The following RNF43 variants were observed in gnomAD, a reference collection of about 807,000 sequenced individuals.
RNF43 encodes E3 ubiquitin-protein ligase RNF43.
RNF43 carries 37 observed loss-of-function variants against 78.4 expected under a neutral mutation model. The observed-to-expected ratio is 0.47, with a 90% confidence interval of 0.36 to 0.62. RNF43 has a LOEUF of 0.62. Among genes scored for constraint, RNF43 ranks in the 20% least tolerant of loss-of-function variants. RNF43 has a pLI of 0.00. For synonymous variants in RNF43, 347 were observed against 395.0 expected (o/e 0.88, Z 1.44); for missense variants, 774 against 1,007.9 (o/e 0.77, Z 3.14).
intron 8 of RNF43, among the ~76,000 whole-genome samples, chr17:58,359,115 C>T (rs1329368930): frequency 1.3e-5 from 2 of 152,086 alleles, no homozygotes; most frequent in Non-Finnish European, 2.9e-5. Context: ...CCTGTGGGTA[C>T]CTTAGAAAAA....
At chr17:58,362,107 AAAC>A (rs1203372825) in intron 6 of RNF43, among the ~76,000 whole-genome samples, 8 of 99,086 alleles carry the variant, frequency 8.1e-5, no homozygotes, top group East Asian at 3.9e-4. Context: ...ACAAACAAAC[AAAC>A]AAAAAAAAAC....
chr17:58,355,109 G>T, intron 9 of RNF43, 123 bp from the exon 10 acceptor site: 1 of 888,656 alleles, frequency 1.1e-6, no homozygotes, highest in Non-Finnish European at 1.9e-6. Context: ...AGACTGTCTG[G>T]AAAGGGTGGT....
intron 2 of RNF43, among the ~76,000 whole-genome samples, chr17:58,380,805 G>A (rs1973297941): frequency 1.3e-5 from 2 of 152,194 alleles, no homozygotes; most frequent in Non-Finnish European, 2.9e-5. Context: ...ACATAGTCCA[G>A]GTCTTTCAGG....
intron 2 of RNF43, among the ~76,000 whole-genome samples, chr17:58,411,097 G>A (rs193176498): frequency 6.6e-6 from 1 of 152,088 alleles, no homozygotes; most frequent in Admixed American, 6.5e-5. Context: ...TAAAGGTACT[G>A]AATTTCTTCT....
intron 3 of RNF43, among the ~76,000 whole-genome samples, chr17:58,370,622 G>T (rs1973072197): frequency 6.6e-6 from 1 of 152,130 alleles, no homozygotes; most frequent in Non-Finnish European, 1.5e-5. Context: ...CCCCTTCTTT[G>T]CTCTGGTGCA....
At chr17:58,363,818 A>G (rs1972894378) in intron 3 of RNF43, among the ~76,000 whole-genome samples, 1 of 152,186 alleles carries the variant, frequency 6.6e-6, no homozygotes, top group African/African-American at 2.4e-5. Context: ...AAGGGATAAT[A>G]TCTAGCTTTT....
chr17:58,355,815 C>T (rs1207222685), intron 9 of RNF43, among the ~76,000 whole-genome samples: 1 of 152,176 alleles, frequency 6.6e-6, no homozygotes. Context: ...ATGGGCAGCA[C>T]TCAGCCTTCG....
intron 8 of RNF43, among the ~76,000 whole-genome samples, chr17:58,359,477 G>A (rs538893286): frequency 8.7e-4 from 132 of 151,778 alleles, no homozygotes; most frequent in South Asian, 2.3e-3. Context: ...GGTGGCGGGC[G>A]CCTATAGTCC....
chr17:58,406,444 T>C (rs1973911990), intron 2 of RNF43, among the ~76,000 whole-genome samples: 1 of 152,234 alleles, frequency 6.6e-6, no homozygotes, highest in African/African-American at 2.4e-5. Flanking sequence ...TGAAATTTGA[T>C]GATTATATTT....
At chr17:58,414,076 T>C (rs1356357016) in intron 2 of RNF43, among the ~76,000 whole-genome samples, 1 of 152,210 alleles carries the variant, frequency 6.6e-6, no homozygotes, top group Non-Finnish European at 1.5e-5. Flanking sequence ...AAAAATCTTA[T>C]GCCATTTTTC....
chr17:58,388,541 A>G (rs1039064323), intron 2 of RNF43, among the ~76,000 whole-genome samples: 2 of 152,344 alleles, frequency 1.3e-5, no homozygotes, highest in East Asian at 3.9e-4. Context: ...CTTGGCAAGT[A>G]TTTGATGAGC....
intron 2 of RNF43, among the ~76,000 whole-genome samples, chr17:58,410,386 G>A (rs1974004571): frequency 6.6e-6 from 1 of 152,174 alleles, no homozygotes; most frequent in Admixed American, 6.5e-5. Context: ...AAGAATGTTT[G>A]TGCGCACAGA....
chr17:58,395,077 A>C (rs1051737835), intron 2 of RNF43: 10 of 152,244 alleles, frequency 6.6e-5, no homozygotes, highest in Non-Finnish European at 1.3e-4. Flanking sequence ...GTTTGGACAG[A>C]TTGACAGTAT....
intron 3 of RNF43, 30 bp downstream of exon 3, chr17:58,370,881 G>A (rs763374243): frequency 3.1e-5 from 48 of 1,544,190 alleles, no homozygotes; most frequent in Admixed American, 5.6e-5. Context: ...GTGAAGCTCC[G>A]GGTGTGTGTA....
chr17:58,370,899 G>A lies in RNF43; in HGVS notation c.375+12C>T, dbSNP rs1387784719. On this transcript the variant is annotated intron_variant, in intron 3 of 9. Transcript: ENST00000407977. The stretch of plus-strand genomic sequence containing the variant: ...AAGCTCCGGGTGTGTGTAGGGCGAA[G>A]TGTGAGTCTACCTTGCTAGCCAGTG... The A allele has an allele frequency of 6.3e-7, 1 of 1,587,312 alleles. No individual in the cohort carries two copies. The highest frequency in any genetic ancestry group is 8.6e-7 in the Non-Finnish European group (1 of 1,165,598).
At chr17:58,359,198 G>C (rs1171985722) in intron 8 of RNF43, among the ~76,000 whole-genome samples, 1 of 152,088 alleles carries the variant, frequency 6.6e-6, no homozygotes, top group Non-Finnish European at 1.5e-5. Flanking sequence ...GATTTTGTTA[G>C]AATAGAATAT....
In RNF43 at chr17:58,370,976, T is replaced by A. The variant is rs2143515217; in HGVS notation, c.310A>T (p.Ile104Phe). The A allele has an allele frequency of 6.2e-7, 1 of 1,611,950 alleles. No homozygotes were observed. The highest frequency in any genetic ancestry group is 8.5e-7 in the Non-Finnish European group (1 of 1,178,784). The change falls in exon 3 of 10, where the codon ATC becomes TTC. Residue 104 changes from isoleucine (I) to phenylalanine (F), a missense_variant. By Grantham distance (21) the Ile-to-Phe change is conservative (BLOSUM62 0). Coordinates refer to ENST00000407977, the MANE Select transcript of RNF43 (RefSeq NM_017763.6). ...GGACTCTCCAGCTTGACGATGCTGA[T>A]GAATCCAGGCTCCAGATTGTCGTCA... ...SDDDNLEPGF[I>F]SIVKLESPRR...
chr17:58,357,066 G>T lies in RNF43; in HGVS notation c.2308+402C>A. 3.3e-6 allele frequency: 2 copies of T among 606,988 alleles called. No homozygotes were observed. The highest frequency in any genetic ancestry group is 2.8e-5 in the Admixed American group (1 of 35,698). The allele number at this position is 606,988 out of a possible 1,614,324, so 37.6% of individuals were successfully genotyped here. The stretch of plus-strand genomic sequence containing the variant: ...CCGCCACCATACCCGGCTAATTTTT[G>T]TATTTTTAGTAGAGATAGGGTTTCA... On this transcript the variant is annotated intron_variant, in intron 9 of 9. Coordinates refer to ENST00000407977, the MANE Select transcript of RNF43 (RefSeq NM_017763.6). The surrounding 1 kb of genome is among the most constrained non-coding windows in gnomAD (Gnocchi z 4.5).
chr17:58,384,770 C>T (rs1973397087), intron 2 of RNF43, among the ~76,000 whole-genome samples: 1 of 152,190 alleles, frequency 6.6e-6, no homozygotes, highest in Non-Finnish European at 1.5e-5. Flanking sequence ...GGGAACTAAA[C>T]CTCCAATGAC....
Sources: allele counts gnomAD v4.1 joint callset (sites outside exome capture counted in the v4.1 genomes callset), GRCh38; gene constraint gnomAD v4.1.1; non-coding constraint Gnocchi (gnomAD v3.1); transcripts MANE v1.5; gene names NCBI Gene and HGNC (gene_info 2026-07-23, HGNC 2026-07-21).